THSD7A: variants seen among roughly 807,000 people sequenced by gnomAD.
The protein encoded by THSD7A is thrombospondin type-1 domain-containing protein 7A.
In THSD7A, 96 loss-of-function variants were observed where a neutral mutation model predicts 231.3. That is an observed-to-expected ratio of 0.41 (90% confidence interval 0.35 to 0.49). The LOEUF is 0.49. Among genes scored for constraint, THSD7A ranks in the 20% least tolerant of loss-of-function variants. The pLI is 0.05. For synonymous variants in THSD7A, 940 were observed against 743.3 expected (o/e 1.26, Z -4.30); for missense variants, 2,290 against 2,070.2 (o/e 1.11, Z -2.06).
intron 1 of THSD7A, among the ~76,000 whole-genome samples, chr7:11,743,783 G>C (rs1458063443): frequency 6.6e-6 from 1 of 151,872 alleles, no homozygotes; most frequent in Non-Finnish European, 1.5e-5. Context: ...AAATTATCAA[G>C]AAAGCCCCTT....
At chr7:11,475,582 CATATATGTATATAACATAT>C (rs1786130496) in intron 7 of THSD7A, among the ~76,000 whole-genome samples, 3 of 145,352 alleles carry the variant, frequency 2.1e-5, no homozygotes, top group Non-Finnish European at 4.6e-5. Context: ...GTATATATAA[CATATATGTATATAACATAT>C]ATATAACATA....
intron 6 of THSD7A, among the ~76,000 whole-genome samples, chr7:11,541,105 T>C (rs1463317918): frequency 1.3e-5 from 2 of 152,244 alleles, no homozygotes; most frequent in Non-Finnish European, 2.9e-5. Context: ...TTAAAAAAGT[T>C]ACCTTTACTT....
intron 6 of THSD7A, among the ~76,000 whole-genome samples, chr7:11,530,801 A>G (rs1788675573): frequency 6.6e-6 from 1 of 152,146 alleles, no homozygotes; most frequent in South Asian, 2.1e-4. Context: ...ACTTGAGGTC[A>G]GGAGTTTGAG....
intron 4 of THSD7A, among the ~76,000 whole-genome samples, chr7:11,563,326 T>A (rs1296501636): frequency 6.6e-6 from 1 of 152,164 alleles, no homozygotes; most frequent in African/African-American, 2.4e-5. Flanking sequence ...TCCCTGCCAG[T>A]CCTTTTTAGC....
chr7:11,502,924 A>G (rs1425687693), intron 6 of THSD7A, among the ~76,000 whole-genome samples: 1 of 152,104 alleles, frequency 6.6e-6, no homozygotes, highest in Non-Finnish European at 1.5e-5. Context: ...ATCCATCAAT[A>G]ACATTCTTGA....
rs1482844144 is a variant in THSD7A, at chr7:11,407,033, T to C, written c.3939A>G (p.Thr1313=). The change falls in exon 21 of 28, where the codon ACA becomes ACG. Residue 1313 remains threonine (T), a synonymous_variant. Transcript: ENST00000423059. ...GLTGKMIRRR[T]VTQPFQGDGR... ...CATCACCTTGAAAGGGCTGGGTCAC[T>C]GTTCGTCTTCGGATCATTTTTCCTT... is the stretch of plus-strand genomic sequence containing the variant. 2 of 1,613,874 alleles carry C rather than the reference T, an allele frequency of 1.2e-6. No homozygotes were observed. The highest frequency in any genetic ancestry group is 2.2e-5 in the East Asian group (1 of 44,854).
At chr7:11,428,839 G>A (rs1784397303) in intron 14 of THSD7A, 108 bp downstream of exon 14, 1 of 1,311,916 alleles carries the variant, frequency 7.6e-7, no homozygotes, top group Admixed American at 2.5e-5. Context: ...GTAAAAATGG[G>A]TCAATTTTTT....
At chr7:11,540,014 T>C (rs950185803) in intron 6 of THSD7A, among the ~76,000 whole-genome samples, 1 of 152,174 alleles carries the variant, frequency 6.6e-6, no homozygotes, top group Non-Finnish European at 1.5e-5. Context: ...TAATCCAAAC[T>C]AGGATTTAAA....
rs1015052215 is a variant in THSD7A, at chr7:11,377,538, T to A, written c.4802-881A>T. On this transcript the variant is annotated intron_variant, in intron 26 of 27. Coordinates refer to ENST00000423059, the MANE Select transcript of THSD7A (RefSeq NM_015204.3). This position sits in a 1 kb window ranked among gnomAD's most constrained non-coding sequence, Gnocchi z 4.5. Reference sequence around the variant, plus strand: ...TATTCAATATTTGAAAGGCATCAAATGGAAATTGGTACTGTGGAATTTTTT... The same window carrying A: ...TATTCAATATTTGAAAGGCATCAAAAGGAAATTGGTACTGTGGAATTTTTT... 1.3e-5 allele frequency among the ~76,000 whole-genome samples: 2 copies of A among 152,134 alleles called. No homozygotes were observed. Among genetic ancestry groups the A allele is most frequent in the Non-Finnish European group, 2.9e-5 (2 of 67,996 alleles).
At chr7:11,720,112 T>TATAA (rs772430617) in intron 1 of THSD7A, among the ~76,000 whole-genome samples, 3 of 151,700 alleles carry the variant, frequency 2.0e-5, no homozygotes, top group Non-Finnish European at 4.4e-5. Context: ...AGGGGTACGA[T>TATAA]ATAAATACAT....
chr7:11,513,317 T>C (rs1385404629), intron 6 of THSD7A, among the ~76,000 whole-genome samples: 2 of 147,622 alleles, frequency 1.4e-5, no homozygotes, highest in Non-Finnish European at 3.0e-5. Context: ...AAAAATAGAA[T>C]AAAATAATAA....
intron 6 of THSD7A, among the ~76,000 whole-genome samples, chr7:11,534,966 A>G (rs573681333): frequency 2.3e-3 from 356 of 152,276 alleles, no homozygotes; most frequent in Non-Finnish European, 3.9e-3. Context: ...CAACACAGTG[A>G]GACCACATCT....
At chr7:11,771,266 G>C (rs1783220124) in intron 1 of THSD7A, among the ~76,000 whole-genome samples, 1 of 151,230 alleles carries the variant, frequency 6.6e-6, no homozygotes. Context: ...TATCATGTAG[G>C]CACATCTAAT....
At chr7:11,523,722 T>TA (rs1168226348) in intron 6 of THSD7A, among the ~76,000 whole-genome samples, 8 of 152,036 alleles carry the variant, frequency 5.3e-5, no homozygotes, top group South Asian at 2.1e-4. Context: ...ACAGGAAGAT[T>TA]AAAAAAACCA....
chr7:11,593,707 A>G (rs370601925), intron 2 of THSD7A, among the ~76,000 whole-genome samples: 1 of 152,352 alleles, frequency 6.6e-6, no homozygotes. Flanking sequence ...GTTTTCTAAG[A>G]GTTGTTAAAC....
chr7:11,612,262 C>A (rs979470987), intron 2 of THSD7A, among the ~76,000 whole-genome samples: 1 of 152,148 alleles, frequency 6.6e-6, no homozygotes, highest in African/African-American at 2.4e-5. Flanking sequence ...GCACAGCAAG[C>A]TCGACTGACA....
chr7:11,532,202 C>T (rs1220256254), intron 6 of THSD7A, among the ~76,000 whole-genome samples: 1 of 152,072 alleles, frequency 6.6e-6, no homozygotes, highest in East Asian at 1.9e-4. Context: ...CCATTCCACC[C>T]ATGCCAGCTC....
At chr7:11,811,551 A>G (rs1037521214) in intron 1 of THSD7A, among the ~76,000 whole-genome samples, 2 of 152,214 alleles carry the variant, frequency 1.3e-5, no homozygotes, top group Non-Finnish European at 2.9e-5. Flanking sequence ...CTCCTTCATC[A>G]TATGCCCTAA....
chr7:11,433,761 T>A (rs115711082), intron 13 of THSD7A, among the ~76,000 whole-genome samples: 7,956 of 151,974 alleles, frequency 0.052, 200 homozygotes, highest in Admixed American at 0.066. Flanking sequence ...GAAAATTGTT[T>A]TTGATTGAAA....
Sources: allele counts gnomAD v4.1 joint callset (sites outside exome capture counted in the v4.1 genomes callset), GRCh38; gene constraint gnomAD v4.1.1; non-coding constraint Gnocchi (gnomAD v3.1); transcripts MANE v1.5; gene names NCBI Gene and HGNC (gene_info 2026-07-23, HGNC 2026-07-21).